PCNX4: variants seen among roughly 807,000 people sequenced by gnomAD.
PCNX4 encodes pecanex 4.
A neutral mutation model predicts 107.2 loss-of-function variants in PCNX4; 103 were observed. That is an observed-to-expected ratio of 0.96 (90% CI 0.82 to 1.13). The LOEUF is 1.13. Ranked by LOEUF, PCNX4 falls within the 50% of genes most tolerant of loss-of-function variation. PCNX4 has a pLI of 0.00. For synonymous variants in PCNX4, 541 were observed against 481.7 expected (o/e 1.12, Z -1.61); for missense variants, 1,528 against 1,379.4 (o/e 1.11, Z -1.71).
intron 10 of PCNX4, among the ~76,000 whole-genome samples, chr14:60,128,938 C>T (rs899170981): frequency 3.9e-5 from 6 of 152,158 alleles, no homozygotes; most frequent in South Asian, 2.1e-4. Flanking sequence ...TAAGGCTGGG[C>T]GCAGTGGTTC....
chr14:60,131,284 A>G (rs537259668), intron 10 of PCNX4, among the ~76,000 whole-genome samples: 1 of 152,254 alleles, frequency 6.6e-6, no homozygotes, highest in Non-Finnish European at 1.5e-5. Flanking sequence ...AATTGTCTCT[A>G]TTCACAGCTG....
chr14:60,095,803 A>AG (rs1895412708), intron 1 of PCNX4, among the ~76,000 whole-genome samples: 1 of 151,652 alleles, frequency 6.6e-6, no homozygotes, highest in South Asian at 2.1e-4. Flanking sequence ...AAAAAAAAAA[A>AG]TAGGAAGAGG....
intron 2 of PCNX4, chr14:60,110,284 A>G (rs1895716513): frequency 1.2e-5 from 2 of 167,240 alleles, no homozygotes; most frequent in South Asian, 4.1e-4. Flanking sequence ...TTCTTCAAGA[A>G]AAGGGGAAAA....
chr14:60,103,883 C>A (rs1895579730), intron 1 of PCNX4, among the ~76,000 whole-genome samples: 1 of 152,180 alleles, frequency 6.6e-6, no homozygotes, highest in Non-Finnish European at 1.5e-5. Context: ...TAGGCAGAAT[C>A]TTCCCTGAGC....
chr14:60,133,378 G>C (rs979228275), intron 10 of PCNX4, among the ~76,000 whole-genome samples: 19 of 152,144 alleles, frequency 1.2e-4, no homozygotes, highest in African/African-American at 4.6e-4. Context: ...GAAATTTACA[G>C]AACAGGCCAG....
intron 1 of PCNX4, among the ~76,000 whole-genome samples, chr14:60,106,862 G>C (rs1566931249): frequency 6.6e-6 from 1 of 152,142 alleles, no homozygotes; most frequent in African/African-American, 2.4e-5. Context: ...TAGGGTAACT[G>C]TTTTTCAGAA....
chr14:60,096,563 C>G (rs992461792), intron 1 of PCNX4, among the ~76,000 whole-genome samples: 1 of 152,212 alleles, frequency 6.6e-6, no homozygotes, highest in Non-Finnish European at 1.5e-5. Flanking sequence ...TTGTCCTAAC[C>G]ACTCTGGAGG....
intron 6 of PCNX4, 47 bp downstream of exon 6, chr14:60,116,107 A>G (rs751271085): frequency 5.6e-5 from 82 of 1,476,600 alleles, no homozygotes; most frequent in Non-Finnish European, 6.8e-5. Context: ...TTTACATACT[A>G]TAATATTTGT....
chr14:60,122,447 T>G lies in PCNX4; in HGVS notation c.2046+1148T>G, dbSNP rs558191543. On this transcript the variant is annotated intron_variant, in intron 8 of 10. Transcript: ENST00000406854. The stretch of plus-strand genomic sequence containing the variant: ...TGGCTATTCCCTCTGCCTAAAACAC[T>G]CTACTTGCATATAATCACCTAACTC... Among the ~76,000 whole-genome samples the G allele has an allele frequency of 5.3e-5, 8 of 152,054 alleles. No individual in the cohort carries two copies. The South Asian group carries it at 1.7e-3, about 32-fold the overall frequency.
chr14:60,121,066 C>A, intron 7 of PCNX4, 130 bp from the exon 8 acceptor site: 1 of 1,141,742 alleles, frequency 8.8e-7, no homozygotes. Flanking sequence ...CTGTTCTTGA[C>A]CTAATGAGAG....
Position 60,108,301 on chromosome 14 carries a change from C to A in PCNX4, c.663C>A (p.Phe221Leu), listed in dbSNP as rs375283127. Reference protein sequence around the residue: ...IPLMRPLYIFFFVSVDLAHRF... With the variant: ...IPLMRPLYIFLFVSVDLAHRF... ...TTATGAGACCTCTTTATATTTTTTT[C>A]TTTGTTTCTGTGGATCTGGCACACA... Residue 221 changes from phenylalanine to leucine, a missense_variant, in exon 2 of 11, where the codon TTC becomes TTA. Transcript: ENST00000406854. 6.2e-7 allele frequency: 1 copy of A among 1,607,836 alleles called. No homozygotes were observed. The highest frequency in any genetic ancestry group is 1.3e-5 in the African/African-American group (1 of 74,424).
At chr14:60,113,075 G>A (rs577870489) in intron 2 of PCNX4, among the ~76,000 whole-genome samples, 1 of 152,252 alleles carries the variant, frequency 6.6e-6, no homozygotes, top group African/African-American at 2.4e-5. Context: ...CCAGCTACTG[G>A]GGGGCTGAGG....
intron 1 of PCNX4, among the ~76,000 whole-genome samples, chr14:60,094,502 A>C (rs775139248): frequency 6.6e-6 from 1 of 152,100 alleles, no homozygotes; most frequent in African/African-American, 2.4e-5. Flanking sequence ...ACCACAACAC[A>C]CAAGAACATC....
At chr14:60,120,056 G>T (rs1191707206) in intron 7 of PCNX4, among the ~76,000 whole-genome samples, 1 of 152,112 alleles carries the variant, frequency 6.6e-6, no homozygotes, top group East Asian at 1.9e-4. Context: ...GTTTTGGGGG[G>T]TCCTCAAGAC....
intron 1 of PCNX4, among the ~76,000 whole-genome samples, chr14:60,099,897 C>T (rs530680608): frequency 7.8e-4 from 118 of 151,890 alleles, no homozygotes; most frequent in African/African-American, 2.8e-3. Context: ...AACACTATCT[C>T]TACTGGGGAA....
At chr14:60,102,436 G>T (rs1487538332) in intron 1 of PCNX4, among the ~76,000 whole-genome samples, 1 of 152,026 alleles carries the variant, frequency 6.6e-6, no homozygotes, top group Non-Finnish European at 1.5e-5. Flanking sequence ...CAGATTTTTA[G>T]TATGGTGTTA....
At chr14:60,116,709 AG>A (rs1895855521) in intron 6 of PCNX4, among the ~76,000 whole-genome samples, 1 of 152,190 alleles carries the variant, frequency 6.6e-6, no homozygotes, top group Non-Finnish European at 1.5e-5. Flanking sequence ...TTAAAAAAAA[AG>A]TTGACTGTAA....
At position 60,137,292 on chromosome 14, in the gene PCNX4, AAC is replaced by A. The variant is rs1896251082; in HGVS notation, c.*3072_*3073del. 6.6e-6 allele frequency: 1 copy of A among 152,238 alleles called. No homozygotes were observed. The highest frequency in any genetic ancestry group is 6.5e-5 in the Admixed American group (1 of 15,286). 9.4% of individuals were successfully genotyped at this position (152,238 alleles called of 1,614,324 possible). A position where few individuals can be genotyped will look rare whatever the true frequency, so the allele number is the denominator to read the frequency against. ...CTTGCTGCTGAGTTAGAGGGACAAA[AAC>A]TGGAGACCAAGACTCTCCAAGGAAG... On this transcript the variant is annotated 3_prime_UTR_variant, in exon 11 of 11. Coordinates refer to ENST00000406854, the MANE Select transcript of PCNX4 (RefSeq NM_001330177.2).
chr14:60,115,322 A>G lies in PCNX4; in HGVS notation c.1218A>G (p.Arg406=). The stretch of plus-strand genomic sequence containing the variant: ...TACTTATAATACTGTGGATACTTAG[A>G]GAAATTCAAAGCGTATATATCATTG... ...MILLIILWIL[R]EIQSVYIIGI... The change falls in exon 4 of 11, where the codon AGA becomes AGG. Residue 406 remains arginine (R), a synonymous_variant. Transcript: ENST00000406854. 1 of 1,608,210 alleles carries G rather than the reference A, an allele frequency of 6.2e-7. No homozygotes were observed. The highest frequency in any genetic ancestry group is 8.5e-7 in the Non-Finnish European group (1 of 1,175,912).
Sources: gnomAD v4.1 joint callset for allele counts (sites outside exome capture counted in the v4.1 genomes callset) on GRCh38, gnomAD v4.1.1 for gene constraint, MANE v1.5 for transcripts, NCBI Gene and HGNC (gene_info 2026-07-23, HGNC 2026-07-21) for gene names.